Variants in PDE4D observed in about 807,000 individuals in gnomAD.
PDE4D encodes phosphodiesterase 4D.
PDE4D carries 24 observed loss-of-function variants against 87.4 expected under a neutral mutation model. The observed-to-expected ratio is 0.27, with a 90% CI of 0.20 to 0.39. PDE4D has a LOEUF of 0.39. Ranked by LOEUF, PDE4D falls within the 10% of genes least tolerant of loss-of-function variation. The pLI is 1.00. For synonymous variants in PDE4D, 384 were observed against 383.2 expected, an observed-to-expected ratio of 1.00 and a Z score of -0.02; for missense variants, 714 against 1,041.0, an observed-to-expected ratio of 0.69 and a Z score of 4.32.
chr5:59,536,448 T>A (rs1273026310), intron 1 of PDE4D, among the ~76,000 whole-genome samples: 1 of 127,882 alleles, frequency 7.8e-6, no homozygotes, highest in Non-Finnish European at 1.5e-5. Context: ...GAGCTTGCAG[T>A]GAGCCGAGAT....
At chr5:60,034,904 A>T (rs1232546641) in intron 2 of PDE4D, among the ~76,000 whole-genome samples, 3 of 151,814 alleles carry the variant, frequency 2.0e-5, no homozygotes, top group African/African-American at 4.8e-5. Context: ...TTGCTGTACA[A>T]CTCTCCCTCT....
intron 1 of PDE4D, among the ~76,000 whole-genome samples, chr5:59,507,879 C>T (rs56224837): frequency 0.49 from 73,985 of 151,640 alleles, 19,168 homozygotes; most frequent in African/African-American, 0.66. Flanking sequence ...AATATACTGC[C>T]TATTAATCTA....
chr5:59,587,423 A>G, intron 1 of PDE4D: 1 of 984,426 alleles, frequency 1.0e-6, no homozygotes, highest in Non-Finnish European at 1.2e-6. Context: ...ACATCTTCTG[A>G]AAGATTCTCA....
intron 1 of PDE4D, among the ~76,000 whole-genome samples, chr5:59,694,478 A>G (rs1454234117): frequency 1.3e-5 from 2 of 152,218 alleles, no homozygotes; most frequent in African/African-American, 2.4e-5. Flanking sequence ...AAATGATGCA[A>G]AACAACTTAC....
At chr5:59,061,425 A>G (rs549933732) in intron 5 of PDE4D, among the ~76,000 whole-genome samples, 104 of 152,256 alleles carry the variant, frequency 6.8e-4, no homozygotes, top group African/African-American at 2.5e-3. Context: ...GTGCCCCTCA[A>G]TATAAATCTG....
chr5:60,404,767 C>T lies in PDE4D; in HGVS notation c.-90+83175G>A, dbSNP rs1004564480. ...CATGACATCATAATTTCTAGACAAA[C>T]GCTTAACTTCCCTGAAGCAGATTCC... On this transcript the variant is annotated intron_variant, in intron 1 of 16. Coordinates refer to the PDE4D transcript ENST00000502484. Among the ~76,000 whole-genome samples, 6 of 152,174 alleles carry T rather than the reference C, an allele frequency of 3.9e-5. No homozygotes were observed. The South Asian group carries it at 1.0e-3, about 26-fold the overall frequency.
chr5:59,622,962 T>G (rs1830505977), intron 1 of PDE4D, among the ~76,000 whole-genome samples: 1 of 152,118 alleles, frequency 6.6e-6, no homozygotes, highest in South Asian at 2.1e-4. Flanking sequence ...AGAAAACCCT[T>G]CCTTTGGCCT....
intron 4 of PDE4D, among the ~76,000 whole-genome samples, chr5:59,182,070 T>C (rs1439049766): frequency 6.6e-6 from 1 of 152,170 alleles, no homozygotes; most frequent in Non-Finnish European, 1.5e-5. Context: ...TAAAATTTTG[T>C]GTTTGATTGA....
intron 1 of PDE4D, among the ~76,000 whole-genome samples, chr5:59,279,761 G>A (rs778270691): frequency 6.6e-6 from 1 of 151,602 alleles, no homozygotes. Context: ...TCATTCCAAA[G>A]CTTGCTCTTC....
chr5:59,921,439 A>G (rs577065704), intron 3 of PDE4D, among the ~76,000 whole-genome samples: 1 of 152,330 alleles, frequency 6.6e-6, no homozygotes, highest in African/African-American at 2.4e-5. Context: ...GATAGATATG[A>G]GTACTACAGT....
intron 1 of PDE4D, among the ~76,000 whole-genome samples, chr5:59,671,538 C>T (rs995829453): frequency 2.0e-5 from 3 of 152,030 alleles, no homozygotes; most frequent in Admixed American, 6.6e-5. Context: ...CCAGGCATGA[C>T]GACTCACACC....
intron 1 of PDE4D, among the ~76,000 whole-genome samples, chr5:60,273,378 G>C (rs2149728677): frequency 6.6e-6 from 1 of 152,200 alleles, no homozygotes; most frequent in East Asian, 1.9e-4. Context: ...TCCAGTTCAA[G>C]GTGAAAAGAA....
At chr5:60,030,115 C>T (rs145531788) in intron 2 of PDE4D, among the ~76,000 whole-genome samples, 300 of 152,318 alleles carry the variant, frequency 2.0e-3, no homozygotes, top group African/African-American at 6.9e-3. Context: ...GCCCTAATTA[C>T]ACAGACTTAA....
At chr5:60,271,931 T>C (rs1178115124) in intron 1 of PDE4D, among the ~76,000 whole-genome samples, 2 of 152,224 alleles carry the variant, frequency 1.3e-5, no homozygotes. Flanking sequence ...CAAAATAAGA[T>C]TCAAAGAAAC....
intron 1 of PDE4D, among the ~76,000 whole-genome samples, chr5:59,476,145 G>A (rs533775195): frequency 1.3e-5 from 2 of 152,000 alleles, no homozygotes; most frequent in South Asian, 4.2e-4. Context: ...ATTTAACTGA[G>A]TTCTGTTTCT....
rs550053233 is a variant in PDE4D at position 59,997,393 on chromosome 5, A to G, written c.43-8676T>C. 2.0e-5 allele frequency among the ~76,000 whole-genome samples: 3 copies of G among 152,314 alleles called. No homozygotes were observed. The South Asian group carries it at 6.2e-4, about 32-fold the overall frequency. On this transcript the variant is annotated intron_variant, in intron 2 of 16. Transcript: ENST00000502484. ...ACCAGGGGTCAAATCACAACCTTAAAAGAAATACAAAGGATCTATTGTCTT... is the reference window on the plus strand; with the variant it reads ...ACCAGGGGTCAAATCACAACCTTAAGAGAAATACAAAGGATCTATTGTCTT...
At chr5:59,837,661 A>AAAAT (rs1280627910) in intron 1 of PDE4D, among the ~76,000 whole-genome samples, 1 of 152,088 alleles carries the variant, frequency 6.6e-6, no homozygotes, top group African/African-American at 2.4e-5. Context: ...TGTTTAACAT[A>AAAAT]AATTATGAGA....
chr5:59,817,058 C>T (rs1477924996), intron 1 of PDE4D, among the ~76,000 whole-genome samples: 2 of 152,210 alleles, frequency 1.3e-5, no homozygotes, highest in African/African-American at 4.8e-5. Context: ...CATCTGCTCT[C>T]CCCACTCTGG....
At chr5:59,727,892 A>T (rs896170111) in intron 1 of PDE4D, among the ~76,000 whole-genome samples, 1 of 152,106 alleles carries the variant, frequency 6.6e-6, no homozygotes, top group African/African-American at 2.4e-5. Context: ...TATTGGAAGG[A>T]AGAGAAATAA....
Sources: gnomAD v4.1 joint callset for allele counts (sites outside exome capture counted in the v4.1 genomes callset) on GRCh38, gnomAD v4.1.1 for gene constraint, MANE v1.5 for transcripts, NCBI Gene and HGNC (gene_info 2026-07-23, HGNC 2026-07-21) for gene names.